The following TBL1X variants were observed in gnomAD, a reference collection of about 807,000 sequenced individuals.
The protein encoded by TBL1X is F-box-like/WD repeat-containing protein TBL1X.
Under a neutral mutation model 50.7 loss-of-function variants are expected in TBL1X, and 10 were observed. That is an observed-to-expected ratio of 0.20 (90% CI 0.12 to 0.33). The LOEUF (loss-of-function observed/expected upper bound fraction) is 0.33. Ranked by LOEUF, TBL1X falls within the 10% of genes least tolerant of loss-of-function variation. The probability of loss-of-function intolerance (pLI) is 1.00; values close to 1 mark genes in which losing one functional copy is unlikely to be tolerated. For synonymous variants in TBL1X, 190 were observed against 214.7 expected, an observed-to-expected ratio of 0.88 and a Z score of 1.01; for missense variants, 340 against 504.4, an observed-to-expected ratio of 0.67 and a Z score of 3.12.
At chrX:9,486,602 G>T (rs1478102691) in intron 1 of TBL1X, among the ~76,000 whole-genome samples, 1 of 78,320 alleles carries the variant, frequency 1.3e-5, no homozygotes, top group African/African-American at 5.0e-5. Flanking sequence ...CCCCCCCCAC[G>T]CCCCCGCCGC....
At chrX:9,499,177 C>T (rs1447378116) in intron 1 of TBL1X, among the ~76,000 whole-genome samples, 6 of 111,660 alleles carry the variant, frequency 5.4e-5, no homozygotes, top group East Asian at 5.7e-4. Context: ...CTTTCATGGT[C>T]GGGTGTCCTG....
At chrX:9,625,523 T>TAATTTCTG (rs1294358190) in intron 2 of TBL1X, among the ~76,000 whole-genome samples, 7 of 112,276 alleles carry the variant, frequency 6.2e-5, no homozygotes, top group Non-Finnish European at 1.9e-5. Flanking sequence ...GCTTGCATTG[T>TAATTTCTG]TAGAGTGTAA....
chrX:9,562,488 C>T (rs930591838), intron 2 of TBL1X, among the ~76,000 whole-genome samples: 1 of 111,677 alleles, frequency 9.0e-6, no homozygotes, highest in Non-Finnish European at 1.9e-5. Context: ...CCTCATAAGA[C>T]ATTAAAGAGG....
At chrX:9,632,908 A>G (rs938983983) in intron 2 of TBL1X, among the ~76,000 whole-genome samples, 8 of 112,067 alleles carry the variant, frequency 7.1e-5, no homozygotes, top group East Asian at 5.6e-4. Context: ...TATTACCACA[A>G]TCTGTCTCTC....
At chrX:9,713,338 CATG>C (rs1488237816) in intron 16 of TBL1X, among the ~76,000 whole-genome samples, 1 of 110,858 alleles carries the variant, frequency 9.0e-6, no homozygotes, top group Non-Finnish European at 1.9e-5. Flanking sequence ...AAAACAATGA[CATG>C]ATCAGTTAGG....
chrX:9,673,236 A>G (rs2082970860), intron 5 of TBL1X, among the ~76,000 whole-genome samples: 1 of 112,234 alleles, frequency 8.9e-6, no homozygotes, highest in South Asian at 3.7e-4. Flanking sequence ...ATTTTTTTCC[A>G]TGTTATCTTT....
intron 12 of TBL1X, among the ~76,000 whole-genome samples, chrX:9,704,277 G>A (rs752307134): frequency 2.7e-5 from 3 of 111,971 alleles, no homozygotes; most frequent in African/African-American, 6.5e-5. Flanking sequence ...TTCATATTGA[G>A]GTATCTTGAA....
intron 2 of TBL1X, among the ~76,000 whole-genome samples, chrX:9,509,480 C>T (rs1442233509): frequency 1.4e-5 from 1 of 72,920 alleles, no homozygotes; most frequent in African/African-American, 4.8e-5. Flanking sequence ...TGTACAGAAT[C>T]GCTTTTTTTT....
chrX:9,490,888 C>G (rs1329743880), intron 1 of TBL1X, among the ~76,000 whole-genome samples: 1 of 111,675 alleles, frequency 9.0e-6, no homozygotes, highest in East Asian at 2.8e-4. Flanking sequence ...CTATTATGAG[C>G]TTATTTTTTT....
Position 9,688,286 on chromosome X carries a change from G to A in TBL1X, c.616+11G>A. Reference sequence around the variant, plus strand: ...GAGCACATTCAGTCAGTGAGTGCAGGGGCTCTGGGAGTTCGGTGGGCCTCT... The same window carrying A: ...GAGCACATTCAGTCAGTGAGTGCAGAGGCTCTGGGAGTTCGGTGGGCCTCT... On this transcript the variant is annotated intron_variant, in intron 7 of 17. Coordinates refer to ENST00000645353, the MANE Select transcript of TBL1X (RefSeq NM_005647.4). 1 of 1,140,804 alleles carries A rather than the reference G, an allele frequency of 8.8e-7. No homozygotes were observed. The allele number at this position is 1,140,804 out of a possible 1,213,427, so 94.0% of individuals were successfully genotyped here. A position where few individuals can be genotyped will look rare whatever the true frequency, so the allele number is the denominator to read the frequency against.
At chrX:9,582,233 G>C (rs2082446509) in intron 2 of TBL1X, among the ~76,000 whole-genome samples, 1 of 112,084 alleles carries the variant, frequency 8.9e-6, no homozygotes, top group Non-Finnish European at 1.9e-5. Context: ...TTTCACAGTA[G>C]CTTGAAGTGT....
chrX:9,702,917 G>T (rs757363018), intron 12 of TBL1X, among the ~76,000 whole-genome samples: 1 of 111,637 alleles, frequency 9.0e-6, no homozygotes, highest in East Asian at 2.8e-4. Context: ...ATTTCCATGG[G>T]CTTGCATGGG....
intron 1 of TBL1X, among the ~76,000 whole-genome samples, chrX:9,485,982 C>T (rs1355635321): frequency 9.0e-6 from 1 of 110,753 alleles, no homozygotes; most frequent in African/African-American, 3.3e-5. Context: ...TCCTCTAGGC[C>T]AGGGCACTCC....
chrX:9,478,109 C>T, intron 1 of TBL1X, among the ~76,000 whole-genome samples: 1 of 111,931 alleles, frequency 8.9e-6, no homozygotes. Flanking sequence ...GGACTAGTTT[C>T]AGGCTCTAAA....
At chrX:9,509,000 G>A (rs1414097121) in intron 2 of TBL1X, among the ~76,000 whole-genome samples, 9 of 110,337 alleles carry the variant, frequency 8.2e-5, no homozygotes, top group African/African-American at 3.0e-4. Context: ...TTAGGTAGTA[G>A]GGTGCTGCAG....
At chrX:9,569,832 A>G (rs1358856302) in intron 2 of TBL1X, among the ~76,000 whole-genome samples, 1 of 112,667 alleles carries the variant, frequency 8.9e-6, no homozygotes. Context: ...AGGATAAATT[A>G]GAACTGGAAA....
At chrX:9,566,760 C>T (rs773400716) in intron 2 of TBL1X, among the ~76,000 whole-genome samples, 1 of 112,170 alleles carries the variant, frequency 8.9e-6, no homozygotes, top group East Asian at 2.8e-4. Context: ...TCCTCTCTGT[C>T]TCTCTGCTTC....
At position 9,597,742 on chromosome X, in the gene TBL1X, C is replaced by T. The variant is rs148362154; in HGVS notation, c.-130-42531C>T. ...AGACAGCCGTCGGCATGGCCTTGCTCCTGGTGGTGCAGGCTCTGATGTTCC... is the reference window on the plus strand; with the variant it reads ...AGACAGCCGTCGGCATGGCCTTGCTTCTGGTGGTGCAGGCTCTGATGTTCC... On this transcript the variant is annotated intron_variant, in intron 2 of 17. Coordinates refer to ENST00000645353, the MANE Select transcript of TBL1X (RefSeq NM_005647.4). Among the ~76,000 whole-genome samples the T allele has an allele frequency of 9.1e-3, 1,025 of 112,380 alleles. 12 individuals are homozygous for T. Among genetic ancestry groups the T allele is most frequent in the South Asian group, 0.057 (154 of 2,693 alleles).
intron 2 of TBL1X, among the ~76,000 whole-genome samples, chrX:9,606,486 C>G (rs948820735): frequency 9.0e-6 from 1 of 111,061 alleles, no homozygotes; most frequent in African/African-American, 3.3e-5. Context: ...TTACTGCAGC[C>G]TGGGTGACAC....
Sources: gnomAD v4.1 joint callset for allele counts (sites outside exome capture counted in the v4.1 genomes callset) on GRCh38, gnomAD v4.1.1 for gene constraint, MANE v1.5 for transcripts, NCBI Gene and HGNC (gene_info 2026-07-23, HGNC 2026-07-21) for gene names.